Variants in FMN1 observed in about 807,000 individuals in gnomAD.
FMN1 encodes formin 1.
A neutral mutation model predicts 132.4 loss-of-function variants in FMN1; 110 were observed. The observed-to-expected ratio is 0.83, with a 90% CI of 0.71 to 0.97. The LOEUF is 0.97. FMN1 is among the 50% of genes least tolerant of loss of function. The pLI is 0.00. For synonymous variants in FMN1, 722 were observed against 651.7 expected, an observed-to-expected ratio of 1.11 and a Z score of -1.64; for missense variants, 1,792 against 1,705.3, an observed-to-expected ratio of 1.05 and a Z score of -0.90.
chr15:33,121,830 CA>C (rs1265075210), intron 4 of FMN1, among the ~76,000 whole-genome samples: 1 of 151,726 alleles, frequency 6.6e-6, no homozygotes, highest in Admixed American at 6.6e-5. Flanking sequence ...CACACCCGGC[CA>C]AATTTTTGTT....
At chr15:32,985,718 C>T (rs189094101) in intron 7 of FMN1, among the ~76,000 whole-genome samples, 2 of 143,266 alleles carry the variant, frequency 1.4e-5, no homozygotes, top group South Asian at 2.4e-4. Flanking sequence ...TCCAAATTGA[C>T]AGGTCTATCT....
chr15:32,932,384 G>C (rs983403303), intron 9 of FMN1, among the ~76,000 whole-genome samples: 2 of 152,200 alleles, frequency 1.3e-5, no homozygotes, highest in African/African-American at 4.8e-5. Context: ...CTAGGAAACA[G>C]AGTGAGACAA....
chr15:33,010,804 G>C (rs1043309956), intron 6 of FMN1, among the ~76,000 whole-genome samples: 6 of 151,228 alleles, frequency 4.0e-5, no homozygotes, highest in Non-Finnish European at 7.4e-5. Flanking sequence ...AACACTTACA[G>C]TACTTCTAAA....
intron 12 of FMN1, among the ~76,000 whole-genome samples, chr15:32,906,103 C>T (rs940907438): frequency 6.6e-6 from 1 of 152,134 alleles, no homozygotes; most frequent in Admixed American, 6.5e-5. Context: ...TTATCTAAGT[C>T]CCGGCAATTA....
At chr15:32,891,354 T>C (rs773116144) in intron 15 of FMN1, among the ~76,000 whole-genome samples, 2 of 152,172 alleles carry the variant, frequency 1.3e-5, no homozygotes, top group Non-Finnish European at 2.9e-5. Flanking sequence ...TTCACGCCAT[T>C]CTCCTGCCTC....
At chr15:33,186,871 T>C (rs534000503) in intron 2 of FMN1, among the ~76,000 whole-genome samples, 28 of 152,338 alleles carry the variant, frequency 1.8e-4, no homozygotes, top group African/African-American at 6.7e-4. Flanking sequence ...GGTATCTCCC[T>C]GGAGCACTTC....
chr15:32,989,849 C>G (rs1044623996), intron 7 of FMN1, among the ~76,000 whole-genome samples: 2 of 152,064 alleles, frequency 1.3e-5, no homozygotes, highest in African/African-American at 4.8e-5. Context: ...CAGGAGTTGT[C>G]AAGGATGCAT....
chr15:32,816,587 C>A (rs1300129057), intron 17 of FMN1, among the ~76,000 whole-genome samples: 1 of 152,132 alleles, frequency 6.6e-6, no homozygotes, highest in Admixed American at 6.5e-5. Flanking sequence ...GAGTGACCTG[C>A]CTAAGGTCAT....
At chr15:33,116,943 TTATTAC>T (rs2039952046) in intron 4 of FMN1, among the ~76,000 whole-genome samples, 1 of 75,422 alleles carries the variant, frequency 1.3e-5, no homozygotes, top group Non-Finnish European at 3.2e-5. Flanking sequence ...TAAATGCTTA[TTATTAC>T]TATTGTTTCC....
At chr15:33,120,931 G>A (rs1056644456) in intron 4 of FMN1, among the ~76,000 whole-genome samples, 3 of 152,112 alleles carry the variant, frequency 2.0e-5, no homozygotes, top group Non-Finnish European at 4.4e-5. Context: ...TTATAGTACA[G>A]TAAGCCCATC....
At chr15:32,821,221 T>G (rs1045952768) in intron 17 of FMN1, among the ~76,000 whole-genome samples, 1 of 152,012 alleles carries the variant, frequency 6.6e-6, no homozygotes. Context: ...TTCTTTTTCC[T>G]TTCAGCTGCC....
rs1567149243 is a variant in FMN1, at chr15:32,777,508, A to ATATATT, written c.4131-590_4131-589insAATATA. On this transcript the variant is annotated intron_variant, in intron 19 of 20. Transcript: ENST00000616417. ...TATTTATATATTACGTATAACATAT[A>ATATATT]ACACATTTATATATTACGTATAACA... Among the ~76,000 whole-genome samples, 107 of 96,522 alleles carry ATATATT rather than the reference A, an allele frequency of 1.1e-3. 21 individuals are homozygous for ATATATT. The highest frequency in any genetic ancestry group is 3.2e-3 in the African/African-American group (102 of 31,702). The allele number at this position is 96,522 out of a possible 152,430, so 63.3% of individuals were successfully genotyped here.
In FMN1 at chr15:32,917,318, C is replaced by T. The variant is rs921314800; in HGVS notation, c.3227-6783G>A. 5.3e-5 allele frequency among the ~76,000 whole-genome samples: 8 copies of T among 152,268 alleles called. No homozygotes were observed. In the East Asian group the frequency reaches 1.4e-3, roughly 26 times the overall value. ...TGTTTCTCCTACTGGACACTAGGTT[C>T]CACCTCCAATAAGCACCAGGCCTAC... On this transcript the variant is annotated intron_variant, in intron 10 of 20. Transcript: ENST00000616417.
intron 9 of FMN1, among the ~76,000 whole-genome samples, chr15:32,954,896 T>C (rs982853274): frequency 2.0e-5 from 3 of 152,166 alleles, no homozygotes; most frequent in Non-Finnish European, 4.4e-5. Flanking sequence ...TCCCAGCTAC[T>C]CTGGAGGCTG....
At chr15:32,854,304 C>G (rs1172987652) in intron 17 of FMN1, among the ~76,000 whole-genome samples, 1 of 152,148 alleles carries the variant, frequency 6.6e-6, no homozygotes, top group Non-Finnish European at 1.5e-5. Context: ...TAGTGCTTGC[C>G]ACATCGAACA....
rs1370606156 is a variant in FMN1, at chr15:32,773,394, A to AT, written c.*915dup. The AT allele has an allele frequency of 6.6e-6, 1 of 152,222 alleles. No individual in the cohort carries two copies. The highest frequency in any genetic ancestry group is 1.9e-4 in the East Asian group (1 of 5,184). The allele number at this position is 152,222 out of a possible 1,614,324, so 9.4% of individuals were successfully genotyped here. On this transcript the variant is annotated 3_prime_UTR_variant, in exon 21 of 21. Coordinates refer to ENST00000616417, the MANE Select transcript of FMN1 (RefSeq NM_001277313.2). ...TCGTCCAGCTGCACAGTCACAGCAC[A>AT]TAACGTAGAACTCGGCTGCGTATCA...
intron 4 of FMN1, among the ~76,000 whole-genome samples, chr15:33,126,594 G>A (rs575326530): frequency 8.1e-5 from 12 of 148,090 alleles, no homozygotes; most frequent in African/African-American, 2.7e-4. Flanking sequence ...TTCTTCAATA[G>A]ACCAGAAAGA....
At chr15:32,848,972 C>CTTTT (rs1224231827) in intron 17 of FMN1, among the ~76,000 whole-genome samples, 95 of 68,486 alleles carry the variant, frequency 1.4e-3, no homozygotes, top group East Asian at 4.3e-3. Context: ...GGTTAGTTCT[C>CTTTT]TTTTGTTTTT....
At chr15:33,182,331 A>G (rs1168052461) in intron 2 of FMN1, among the ~76,000 whole-genome samples, 2 of 152,194 alleles carry the variant, frequency 1.3e-5, no homozygotes, top group African/African-American at 4.8e-5. Context: ...TAATGAAAAA[A>G]ATGTTTGAGA....
Sources: allele counts gnomAD v4.1 joint callset (sites outside exome capture counted in the v4.1 genomes callset), GRCh38; gene constraint gnomAD v4.1.1; transcripts MANE v1.5; gene names NCBI Gene and HGNC (gene_info 2026-07-23, HGNC 2026-07-21).